SLC8A1: variants seen among roughly 807,000 people sequenced by gnomAD.
SLC8A1 encodes solute carrier family 8 member A1, also known as sodium/calcium exchanger 1.
SLC8A1 carries 18 observed loss-of-function variants against 68.3 expected under a neutral mutation model. The observed-to-expected ratio is 0.26, with a 90% CI of 0.18 to 0.39. The LOEUF (loss-of-function observed/expected upper bound fraction) is 0.39, where lower values mean the gene tolerates loss of function less well. Among genes scored for constraint, SLC8A1 ranks in the 10% least tolerant of loss-of-function variants. The pLI is 1.00. For missense variants in SLC8A1, 985 were observed against 1,156.7 expected, an observed-to-expected ratio of 0.85 and a Z score of 2.15; for synonymous variants, 475 against 415.5, an observed-to-expected ratio of 1.14 and a Z score of -1.74.
intron 2 of SLC8A1, among the ~76,000 whole-genome samples, chr2:40,202,271 C>T (rs576783638): frequency 6.6e-6 from 1 of 152,098 alleles, no homozygotes; most frequent in Admixed American, 6.6e-5. Context: ...CACATCCTTG[C>T]ACGTCCAAAT....
chr2:40,220,627 A>G (rs1345686157), intron 2 of SLC8A1, among the ~76,000 whole-genome samples: 1 of 152,206 alleles, frequency 6.6e-6, no homozygotes, highest in East Asian at 1.9e-4. Flanking sequence ...TAACCTGGTC[A>G]ATGAATTATA....
intron 2 of SLC8A1, among the ~76,000 whole-genome samples, chr2:40,312,537 A>C (rs2073867277): frequency 6.6e-6 from 1 of 151,730 alleles, no homozygotes; most frequent in Non-Finnish European, 1.5e-5. Context: ...GATAAGTACA[A>C]GTATAAATAT....
Position 40,416,626 on chromosome 2 carries a change from C to T in SLC8A1, c.1808+11847G>A, listed in dbSNP as rs949531613. Among the ~76,000 whole-genome samples, 24 of 152,136 alleles carry T rather than the reference C, an allele frequency of 1.6e-4. No homozygotes were observed. In the East Asian group the frequency reaches 1.9e-3, roughly 12 times the overall value. On this transcript the variant is annotated intron_variant, in intron 2 of 7. Coordinates refer to ENST00000406785, the Ensembl canonical transcript of SLC8A1. ...TGCCTTAATGTTACTATCAAGAACA[C>T]TGAAGTTCAGAGAAATGAAATGACT...
intron 1 of SLC8A1, among the ~76,000 whole-genome samples, chr2:40,507,592 G>A (rs1479265148): frequency 3.9e-5 from 6 of 151,960 alleles, no homozygotes; most frequent in African/African-American, 1.4e-4. Context: ...AAAAGGCACG[G>A]AAATGACTGT....
intron 1 of SLC8A1, among the ~76,000 whole-genome samples, chr2:40,433,360 T>A (rs1405167746): frequency 6.6e-6 from 1 of 152,184 alleles, no homozygotes; most frequent in African/African-American, 2.4e-5. Flanking sequence ...ACTATTTTGC[T>A]TTTTCCTTCT....
intron 2 of SLC8A1, among the ~76,000 whole-genome samples, chr2:40,312,934 A>C (rs748059114): frequency 8.5e-5 from 13 of 152,086 alleles, no homozygotes; most frequent in Non-Finnish European, 7.4e-5. Flanking sequence ...GATAAATCTA[A>C]TGGGTTTTGA....
intron 2 of SLC8A1, among the ~76,000 whole-genome samples, chr2:40,369,960 TGTAAAG>T (rs1316523978): frequency 6.6e-6 from 1 of 152,162 alleles, no homozygotes; most frequent in Non-Finnish European, 1.5e-5. Context: ...GTAATATTTC[TGTAAAG>T]ATAAAGATCT....
At chr2:40,204,503 C>G (rs1375325182) in intron 2 of SLC8A1, among the ~76,000 whole-genome samples, 1 of 151,948 alleles carries the variant, frequency 6.6e-6, no homozygotes, top group African/African-American at 2.4e-5. Context: ...GGACCTTGTT[C>G]TTAGCCAGCG....
At chr2:40,137,439 C>CT (rs1386540793) in intron 7 of SLC8A1, among the ~76,000 whole-genome samples, 2 of 152,150 alleles carry the variant, frequency 1.3e-5, no homozygotes, top group East Asian at 3.9e-4. Context: ...CACATATTCT[C>CT]CTCAGAGACT....
chr2:40,314,542 G>T (rs2074185235), intron 2 of SLC8A1, among the ~76,000 whole-genome samples: 1 of 151,734 alleles, frequency 6.6e-6, no homozygotes. Flanking sequence ...AAAAAAAAAT[G>T]CTTATTGGGA....
chr2:40,311,758 A>G (rs1379723376), intron 2 of SLC8A1, among the ~76,000 whole-genome samples: 1 of 152,080 alleles, frequency 6.6e-6, no homozygotes, highest in Non-Finnish European at 1.5e-5. Context: ...TACTTGCATA[A>G]TTAAAATATT....
At chr2:40,407,576 C>G (rs946587990) in intron 2 of SLC8A1, among the ~76,000 whole-genome samples, 1 of 152,068 alleles carries the variant, frequency 6.6e-6, no homozygotes, top group African/African-American at 2.4e-5. Context: ...CCTTCCACAC[C>G]AACAGGTCCT....
At chr2:40,182,656 A>C (rs975439026) in intron 2 of SLC8A1, among the ~76,000 whole-genome samples, 4 of 152,206 alleles carry the variant, frequency 2.6e-5, no homozygotes, top group African/African-American at 9.6e-5. Flanking sequence ...AAGGACCTGA[A>C]CATCTTCAAA....
chr2:40,214,495 T>C (rs1180069100), intron 2 of SLC8A1, among the ~76,000 whole-genome samples: 2 of 151,018 alleles, frequency 1.3e-5, no homozygotes, highest in Admixed American at 1.3e-4. Context: ...TGGGCTGGAG[T>C]GCAATGGCGC....
chr2:40,479,924 G>A (rs2149911277), intron 1 of SLC8A1, among the ~76,000 whole-genome samples: 1 of 152,164 alleles, frequency 6.6e-6, no homozygotes, highest in Non-Finnish European at 1.5e-5. Flanking sequence ...ATGTACCAGG[G>A]TAATTTCTTC....
At position 40,437,630 on chromosome 2, in the gene SLC8A1, A is replaced by C. The variant is rs556089123; in HGVS notation, c.-24-7326T>G. ...GAATGATACAGAATGTTGCTATAAC[A>C]AGTAGGTTAACACTTTGCTCTAATA... is the stretch of plus-strand genomic sequence containing the variant. On this transcript the variant is annotated intron_variant, in intron 1 of 7. Coordinates refer to ENST00000406785, the Ensembl canonical transcript of SLC8A1. Among the ~76,000 whole-genome samples the C allele has an allele frequency of 9.8e-5, 15 of 152,304 alleles. 2 individuals carry two copies. In the South Asian group the frequency reaches 2.9e-3, roughly 29 times the overall value.
chr2:40,433,730 CT>C (rs1479438370), intron 1 of SLC8A1, among the ~76,000 whole-genome samples: 1 of 152,140 alleles, frequency 6.6e-6, no homozygotes, highest in Non-Finnish European at 1.5e-5. Context: ...AACCCCTGGT[CT>C]TTTTCCAAGA....
intron 2 of SLC8A1, among the ~76,000 whole-genome samples, chr2:40,325,140 T>G (rs1008322214): frequency 6.6e-6 from 1 of 152,146 alleles, no homozygotes; most frequent in Admixed American, 6.6e-5. Flanking sequence ...ATTAATTCCT[T>G]ATAGGGAAAA....
chr2:40,332,446 G>A (rs1037088719), intron 2 of SLC8A1, among the ~76,000 whole-genome samples: 24 of 150,114 alleles, frequency 1.6e-4, no homozygotes, highest in Admixed American at 2.7e-4. Context: ...GGCGGGGGGC[G>A]GTGTTTCCCC....
Sources: allele counts gnomAD v4.1 joint callset (sites outside exome capture counted in the v4.1 genomes callset), GRCh38; gene constraint gnomAD v4.1.1; transcripts MANE v1.5; gene names NCBI Gene and HGNC (gene_info 2026-07-23, HGNC 2026-07-21).